The following TMEM184B variants were observed in gnomAD, a reference collection of about 807,000 sequenced individuals.
TMEM184B encodes putative MAPK-activating protein FM08.
TMEM184B carries 17 observed loss-of-function variants against 41.8 expected under a neutral mutation model. That is an observed-to-expected ratio of 0.41 (90% CI 0.28 to 0.61). The LOEUF (loss-of-function observed/expected upper bound fraction) is 0.61, where lower values mean the gene tolerates loss of function less well. Ranked by LOEUF, TMEM184B falls within the 20% of genes least tolerant of loss-of-function variation. The probability of loss-of-function intolerance (pLI) is 0.34; values close to 1 mark genes in which losing one functional copy is unlikely to be tolerated. For synonymous variants in TMEM184B, 240 were observed against 229.5 expected, an observed-to-expected ratio of 1.05 and a Z score of -0.41; for missense variants, 393 against 557.8, an observed-to-expected ratio of 0.70 and a Z score of 2.98.
Position 38,263,658 on chromosome 22 carries a change from G to A in TMEM184B, c.-59+9226C>T, listed in dbSNP as rs926042108. 2.5e-4 allele frequency among the ~76,000 whole-genome samples: 38 copies of A among 152,130 alleles called. 1 individual carries two copies. The highest frequency in any genetic ancestry group is 8.7e-4 in the African/African-American group (36 of 41,410). On this transcript the variant is annotated intron_variant, in intron 1 of 8. Coordinates refer to ENST00000361906, the MANE Select transcript of TMEM184B (RefSeq NM_012264.5). ...ATTTTGCACACGTGTTAACCCATCCGTAGAATAAATTCTGGGAGGCAGAGC... is the reference window on the plus strand; with the variant it reads ...ATTTTGCACACGTGTTAACCCATCCATAGAATAAATTCTGGGAGGCAGAGC...
intron 5 of TMEM184B, among the ~76,000 whole-genome samples, chr22:38,227,651 T>G (rs2091484169): frequency 6.6e-6 from 1 of 152,126 alleles, no homozygotes; most frequent in Admixed American, 6.5e-5. Context: ...GAGTTTGAAC[T>G]CTGGGGACAG....
intron 1 of TMEM184B, among the ~76,000 whole-genome samples, chr22:38,254,203 C>CTAA (rs1326921449): frequency 5.5e-5 from 4 of 73,372 alleles, no homozygotes; most frequent in Non-Finnish European, 1.2e-4. Flanking sequence ...ACTCTTGTCT[C>CTAA]CAAAAAAAAA....
intron 5 of TMEM184B, among the ~76,000 whole-genome samples, chr22:38,227,310 G>C (rs2091474067): frequency 6.6e-6 from 1 of 152,148 alleles, no homozygotes; most frequent in Non-Finnish European, 1.5e-5. Flanking sequence ...AGGCTCGACA[G>C]GCAGAGGGGG....
At chr22:38,258,061 G>A (rs1468576900) in intron 1 of TMEM184B, among the ~76,000 whole-genome samples, 1 of 152,086 alleles carries the variant, frequency 6.6e-6, no homozygotes, top group African/African-American at 2.4e-5. Flanking sequence ...CTCCACACCT[G>A]TCTCTCATTC....
At chr22:38,256,630 G>T (rs778491665) in intron 1 of TMEM184B, among the ~76,000 whole-genome samples, 8 of 152,142 alleles carry the variant, frequency 5.3e-5, no homozygotes, top group Non-Finnish European at 1.2e-4. Context: ...AAAATCTGTT[G>T]TTCTGCTGTC....
chr22:38,251,204 T>C (rs1011297306), intron 1 of TMEM184B, among the ~76,000 whole-genome samples: 1 of 152,232 alleles, frequency 6.6e-6, no homozygotes, highest in Non-Finnish European at 1.5e-5. Flanking sequence ...GCCACGTTTC[T>C]GCACCGAGGC....
intron 3 of TMEM184B, among the ~76,000 whole-genome samples, chr22:38,232,807 G>A (rs888866260): frequency 1.3e-5 from 2 of 152,190 alleles, no homozygotes; most frequent in Non-Finnish European, 2.9e-5. Flanking sequence ...CCCAGAGCAG[G>A]TTCTCTTATC....
chr22:38,252,308 A>G (rs1198758022), intron 1 of TMEM184B, among the ~76,000 whole-genome samples: 1 of 152,058 alleles, frequency 6.6e-6, no homozygotes, highest in Non-Finnish European at 1.5e-5. Context: ...CGATCCTCCC[A>G]TCTTGGCCTC....
rs1363193703 is a variant in TMEM184B at position 38,226,161 on chromosome 22, C to T, written c.618-568G>A. ...ATGGCGTGATCTTGGCTCACCGCAA[C>T]CTCTGCCTCCTGGGTTCAAGCGATT... On this transcript the variant is annotated intron_variant, in intron 6 of 8. Coordinates refer to ENST00000361906, the MANE Select transcript of TMEM184B (RefSeq NM_012264.5). This position sits in a 1 kb window ranked among gnomAD's most constrained non-coding sequence, Gnocchi z 4.6. Among the ~76,000 whole-genome samples the T allele has an allele frequency of 6.6e-6, 1 of 151,690 alleles. No individual in the cohort carries two copies. The highest frequency in any genetic ancestry group is 1.5e-5 in the Non-Finnish European group (1 of 67,964).
At chr22:38,230,806 G>C in intron 4 of TMEM184B, 62 bp from the exon 5 acceptor site, 1 of 1,535,698 alleles carries the variant, frequency 6.5e-7, no homozygotes, top group South Asian at 1.2e-5. Flanking sequence ...TGGGAACAGT[G>C]GGGTGGGGAA....
At position 38,246,058 on chromosome 22, in the gene TMEM184B, G is replaced by C; in HGVS notation, c.235C>G (p.Arg79Gly). 6.2e-7 allele frequency: 1 copy of C among 1,613,016 alleles called. No individual in the cohort carries two copies. The highest frequency in any genetic ancestry group is 8.5e-7 in the Non-Finnish European group (1 of 1,180,000). ...ATGAAGAGGATGCGCACGATGTAGC[G>C]CTGCTCGTTGGGGCAGCTGTAGCAG... ...LRCYSCPNEQ[R>G]YIVRILFIVP... Residue 79 changes from arginine (R) to glycine (G), a missense_variant, in exon 3 of 9, where the codon CGC becomes GGC. By Grantham distance (125) the Arg-to-Gly change is moderately radical. Coordinates refer to ENST00000361906, the MANE Select transcript of TMEM184B (RefSeq NM_012264.5).
At chr22:38,224,634 C>T (rs1237369932) in intron 8 of TMEM184B, 151 bp downstream of exon 8, 13 of 754,010 alleles carry the variant, frequency 1.7e-5, no homozygotes, top group East Asian at 3.2e-5. Flanking sequence ...TGCTCTTCCC[C>T]GACCTCTGTG....
chr22:38,226,076 CTTT>C lies in TMEM184B; in HGVS notation c.618-486_618-484del, dbSNP rs35956053. On this transcript the variant is annotated intron_variant, in intron 6 of 8. Coordinates refer to ENST00000361906, the MANE Select transcript of TMEM184B (RefSeq NM_012264.5). The surrounding 1 kb of genome is among the most constrained non-coding windows in gnomAD (Gnocchi z 4.6). The stretch of plus-strand genomic sequence containing the variant: ...AAGCACAGGGCTAGACACATGGTCA[CTTT>C]TTTTTTTTTTTTTTTTAGATATGGA... 2.2e-5 allele frequency among the ~76,000 whole-genome samples: 3 copies of C among 134,262 alleles called. No individual in the cohort carries two copies. Among genetic ancestry groups the C allele is most frequent in the Non-Finnish European group, 3.2e-5 (2 of 61,980 alleles). 88.1% of individuals were successfully genotyped at this position (134,262 alleles called of 152,430 possible).
At chr22:38,272,690 G>A (rs1203047430) in intron 1 of TMEM184B, 194 bp downstream of exon 1, 30 of 985,328 alleles carry the variant, frequency 3.0e-5, no homozygotes, top group Non-Finnish European at 3.3e-5. Flanking sequence ...GGGCGGAGAG[G>A]AGGCACGGGT....
rs60964283 is a variant in TMEM184B at position 38,224,900 on chromosome 22, G to T, written c.867C>A (p.Thr289=). 0.013 allele frequency: 21,494 copies of T among 1,613,278 alleles called. 594 individuals carry two copies. Among genetic ancestry groups the T allele is most frequent in the African/African-American group, 0.09 (6,779 of 74,986 alleles). The change falls in exon 8 of 9, where the codon ACC becomes ACA. Residue 289 remains threonine (T), a synonymous_variant. Transcript: ENST00000361906. Reference sequence around the variant, plus strand: ...TGAAGTCCTGGTAGCCGGCAGCCACGGTGCCCTCGCCCACCGACACGCGGG... The same window carrying T: ...TGAAGTCCTGGTAGCCGGCAGCCACTGTGCCCTCGCCCACCGACACGCGGG... ...HSARVSVGEG[T]VAAGYQDFII... is the part of the protein sequence containing the mutation.
In TMEM184B at chr22:38,239,919, T is replaced by A. The variant is rs80211187; in HGVS notation, c.358+6016A>T. Among the ~76,000 whole-genome samples, 14,672 of 151,878 alleles carry A rather than the reference T, an allele frequency of 0.097. 944 individuals are homozygous for A. Among genetic ancestry groups the A allele is most frequent in the Middle Eastern group, 0.18 (54 of 294 alleles). ...AGCCAAGGAAACACCCCATGTTCCA[T>A]CACCCAATCAGGAGGTCCAGCAATT... On this transcript the variant is annotated intron_variant, in intron 3 of 8. Coordinates refer to ENST00000361906, the MANE Select transcript of TMEM184B (RefSeq NM_012264.5). This position sits in a 1 kb window ranked among gnomAD's most constrained non-coding sequence, Gnocchi z 4.6.
chr22:38,251,160 G>A (rs1602456393), intron 1 of TMEM184B, among the ~76,000 whole-genome samples: 1 of 152,192 alleles, frequency 6.6e-6, no homozygotes, highest in African/African-American at 2.4e-5. Flanking sequence ...AAGCCACCAT[G>A]GCTGGGAGTG....
chr22:38,226,261 A>T lies in TMEM184B; in HGVS notation c.617+518T>A, dbSNP rs2091435443. Reference sequence around the variant, plus strand: ...CGCCCGGTTAATTTTTTGTATTTTTAGTAGTGATGGGGTTTCACCATGTTG... The same window carrying T: ...CGCCCGGTTAATTTTTTGTATTTTTTGTAGTGATGGGGTTTCACCATGTTG... On this transcript the variant is annotated intron_variant, in intron 6 of 8. Coordinates refer to ENST00000361906, the MANE Select transcript of TMEM184B (RefSeq NM_012264.5). This position sits in a 1 kb window ranked among gnomAD's most constrained non-coding sequence, Gnocchi z 4.6. 1 of 154,016 alleles carries T rather than the reference A, an allele frequency of 6.5e-6. No homozygotes were observed. Among genetic ancestry groups the T allele is most frequent in the Non-Finnish European group, 1.4e-5 (1 of 69,274 alleles). The allele number at this position is 154,016 out of a possible 1,614,324, so 9.5% of individuals were successfully genotyped here.
intron 3 of TMEM184B, among the ~76,000 whole-genome samples, chr22:38,237,512 C>G (rs555385613): frequency 1.3e-5 from 2 of 152,378 alleles, no homozygotes; most frequent in Non-Finnish European, 1.5e-5. Context: ...GCCCAGCCTT[C>G]TGCTGCAGAG....
Sources: gnomAD v4.1 joint callset for allele counts (sites outside exome capture counted in the v4.1 genomes callset) on GRCh38, gnomAD v4.1.1 for gene constraint, Gnocchi (gnomAD v3.1) non-coding constraint, MANE v1.5 for transcripts, NCBI Gene and HGNC (gene_info 2026-07-23, HGNC 2026-07-21) for gene names.